The following ADCY9 variants were observed in gnomAD, a reference collection of about 807,000 sequenced individuals.
ADCY9 encodes the protein adenylate cyclase type 9.
In ADCY9, 50 loss-of-function variants were observed where a neutral mutation model predicts 101.5. The observed-to-expected ratio is 0.49, with a 90% CI of 0.39 to 0.62. The LOEUF is 0.62. Among genes scored for constraint, ADCY9 ranks in the 20% least tolerant of loss-of-function variants. ADCY9 has a pLI of 0.00. For synonymous variants in ADCY9, 905 were observed against 769.3 expected (o/e 1.18, Z -2.92); for missense variants, 1,662 against 1,800.4 (o/e 0.92, Z 1.39).
intron 7 of ADCY9, among the ~76,000 whole-genome samples, chr16:3,980,187 G>C (rs1597141163): frequency 6.6e-6 from 1 of 152,252 alleles, no homozygotes; most frequent in African/African-American, 2.4e-5. Context: ...CATTTTAAAA[G>C]ACTTTGTCCT....
At chr16:3,995,877 A>C (rs2056282925) in intron 3 of ADCY9, among the ~76,000 whole-genome samples, 1 of 152,232 alleles carries the variant, frequency 6.6e-6, no homozygotes, top group Non-Finnish European at 1.5e-5. Context: ...CAAAAAATGA[A>C]AATATACATG....
chr16:4,015,169 C>T (rs1328876471), intron 2 of ADCY9, among the ~76,000 whole-genome samples: 1 of 151,810 alleles, frequency 6.6e-6, no homozygotes, highest in East Asian at 1.9e-4. Context: ...TCTCGATCTC[C>T]TGACCTCATG....
At position 4,114,653 on chromosome 16, in the gene ADCY9, G is replaced by A; in HGVS notation, c.790C>T (p.Arg264Trp). 1.2e-6 allele frequency: 2 copies of A among 1,613,386 alleles called. No individual in the cohort carries two copies. Among genetic ancestry groups the A allele is most frequent in the African/African-American group, 1.3e-5 (1 of 75,056 alleles). ...VLFETFGYHFRDEACFPSPGA... is the reference protein window; with the variant it reads ...VLFETFGYHFWDEACFPSPGA... ...GGCGAGGGGAAGCAGGCTTCATCCC[G>A]GAAATGGTAGCCAAAGGTCTCGAAA... Residue 264 changes from arginine to tryptophan, a missense_variant, in exon 2 of 11, where the codon CGG (arginine) becomes TGG (tryptophan). Around this residue, in one of 5 missense-constraint regions of ADCY9, gnomAD observed 422 missense variants for 392.0 expected, o/e 1.08. Coordinates refer to ENST00000294016, the MANE Select transcript of ADCY9 (RefSeq NM_001116.4). The surrounding 1 kb of genome is among the most constrained non-coding windows in gnomAD (Gnocchi z 4.3).
At chr16:4,109,866 C>T (rs1340745977) in intron 2 of ADCY9, among the ~76,000 whole-genome samples, 3 of 152,198 alleles carry the variant, frequency 2.0e-5, no homozygotes, top group African/African-American at 7.2e-5. Context: ...CCTAAGCCCC[C>T]TGTTGAGTGG....
intron 2 of ADCY9, among the ~76,000 whole-genome samples, chr16:4,021,610 C>A (rs1367285833): frequency 6.6e-6 from 1 of 152,222 alleles, no homozygotes; most frequent in Non-Finnish European, 1.5e-5. Flanking sequence ...TTCTGGGCTC[C>A]ACCAGCAGCC....
In ADCY9 at chr16:3,966,932, G is replaced by A. The variant is rs545959256; in HGVS notation, c.2905C>T (p.Arg969Cys). 44 of 1,613,568 alleles carry A rather than the reference G, an allele frequency of 2.7e-5. No homozygotes were observed. The highest frequency in any genetic ancestry group is 3.4e-5 in the Non-Finnish European group (40 of 1,179,988). ...ERNPCNSSVPRDLRRPASLIG... is the reference protein window; with the variant it reads ...ERNPCNSSVPCDLRRPASLIG... Reference sequence around the variant, plus strand: ...AGGCTGGCGGGCCGCCGGAGGTCACGCGGCACCGAACTATTGCACGGGTTC... The same window carrying A: ...AGGCTGGCGGGCCGCCGGAGGTCACACGGCACCGAACTATTGCACGGGTTC... Residue 969 changes from arginine (R) to cysteine (C), a missense_variant, in exon 11 of 11, where the codon CGT becomes TGT. Physicochemically the swap from Arg to Cys is radical, Grantham distance 180 (BLOSUM62 -3). Around this residue, in one of 5 missense-constraint regions of ADCY9, gnomAD observed 624 missense variants for 639.1 expected, o/e 0.98. Coordinates refer to ENST00000294016, the MANE Select transcript of ADCY9 (RefSeq NM_001116.4).
intron 2 of ADCY9, among the ~76,000 whole-genome samples, chr16:4,108,769 A>C (rs1484056847): frequency 6.2e-5 from 9 of 144,216 alleles, no homozygotes; most frequent in African/African-American, 2.1e-4. Flanking sequence ...GCAATGGTGC[A>C]ATCTTGGCTC....
At position 4,022,984 on chromosome 16, in the gene ADCY9, C is replaced by T. The variant is rs552700053; in HGVS notation, c.1694-15426G>A. Among the ~76,000 whole-genome samples, 4 of 152,230 alleles carry T rather than the reference C, an allele frequency of 2.6e-5. No individual in the cohort carries two copies. In the South Asian group the frequency reaches 6.2e-4, roughly 24 times the overall value. On this transcript the variant is annotated intron_variant, in intron 2 of 10. Coordinates refer to ENST00000294016, the MANE Select transcript of ADCY9 (RefSeq NM_001116.4). Reference sequence around the variant, plus strand: ...CAGTACTGTAGTACCTGGGGGAAGGCGCAGCACCGTGGACACTCAGAAACG... The same window carrying T: ...CAGTACTGTAGTACCTGGGGGAAGGTGCAGCACCGTGGACACTCAGAAACG...
chr16:4,020,904 CA>C (rs2056472054), intron 2 of ADCY9, among the ~76,000 whole-genome samples: 1 of 150,558 alleles, frequency 6.6e-6, no homozygotes, highest in Admixed American at 6.6e-5. Context: ...AATAAAGAAA[CA>C]AAAGAGCTGG....
chr16:4,023,557 G>A (rs2056492923), intron 2 of ADCY9, among the ~76,000 whole-genome samples: 1 of 152,180 alleles, frequency 6.6e-6, no homozygotes, highest in Non-Finnish European at 1.5e-5. Context: ...TGCAGACTGA[G>A]GGAAGAAAGT....
chr16:4,066,399 A>G (rs548251768), intron 2 of ADCY9, among the ~76,000 whole-genome samples: 3 of 151,946 alleles, frequency 2.0e-5, no homozygotes, highest in South Asian at 4.2e-4. Context: ...TTACCTATTT[A>G]TTTAGAGATG....
chr16:4,099,308 C>T (rs769416690), intron 2 of ADCY9, among the ~76,000 whole-genome samples: 4 of 152,114 alleles, frequency 2.6e-5, no homozygotes, highest in Non-Finnish European at 4.4e-5. Context: ...TGGGAAGATA[C>T]AGAAAGAAAT....
intron 2 of ADCY9, among the ~76,000 whole-genome samples, chr16:4,051,521 C>T (rs35512625): frequency 7.1e-6 from 1 of 141,568 alleles, no homozygotes; most frequent in Non-Finnish European, 1.5e-5. Flanking sequence ...AAGACTCCAT[C>T]TAAAAAAAAA....
intron 2 of ADCY9, among the ~76,000 whole-genome samples, chr16:4,081,813 G>C (rs1167739078): frequency 4.1e-5 from 6 of 147,592 alleles, no homozygotes; most frequent in Non-Finnish European, 9.0e-5. Flanking sequence ...AGAGCAAGAG[G>C]GGGGCAGCAG....
chr16:4,114,271 T>C lies in ADCY9; in HGVS notation c.1172A>G (p.Glu391Gly). 1 of 1,613,978 alleles carries C rather than the reference T, an allele frequency of 6.2e-7. No individual in the cohort carries two copies. The highest frequency in any genetic ancestry group is 8.5e-7 in the Non-Finnish European group (1 of 1,180,036). ...ATCTGCAAATAAAATACTGACTTCT[T>C]CGATCTGCTGCATCTTAAAAGGGCG... ...AFRPFKMQQIEEVSILFADIV... is the reference protein window; with the variant it reads ...AFRPFKMQQIGEVSILFADIV... Residue 391 changes from glutamate (E) to glycine (G), a missense_variant, in exon 2 of 11, where the codon GAA (glutamate) becomes GGA (glycine). Transcript: ENST00000294016. The surrounding 1 kb of genome is among the most constrained non-coding windows in gnomAD (Gnocchi z 4.3).
At chr16:4,046,038 TG>T (rs1248609086) in intron 2 of ADCY9, among the ~76,000 whole-genome samples, 4 of 151,846 alleles carry the variant, frequency 2.6e-5, no homozygotes, top group Admixed American at 1.3e-4. Flanking sequence ...TTTGTAGAGT[TG>T]GGGGTCTTCC....
At chr16:4,050,155 T>G (rs1472733437) in intron 2 of ADCY9, among the ~76,000 whole-genome samples, 1 of 151,990 alleles carries the variant, frequency 6.6e-6, no homozygotes, top group Non-Finnish European at 1.5e-5. Flanking sequence ...AGAAGACTGG[T>G]GACATACAAG....
intron 2 of ADCY9, among the ~76,000 whole-genome samples, chr16:4,013,290 C>T (rs1371729921): frequency 6.6e-6 from 1 of 151,582 alleles, no homozygotes; most frequent in Non-Finnish European, 1.5e-5. Context: ...CGTGGCGGCA[C>T]ACGCCTGTAA....
intron 7 of ADCY9, 64 bp downstream of exon 7, chr16:3,983,168 G>T: frequency 6.9e-7 from 1 of 1,440,058 alleles, no homozygotes; most frequent in Non-Finnish European, 9.3e-7. Context: ...TCAGCCATAA[G>T]CCATGGAGCC....
Sources: gnomAD v4.1 joint callset for allele counts (sites outside exome capture counted in the v4.1 genomes callset) on GRCh38, gnomAD v4.1.1 for gene constraint, gnomAD v4.1.1 regional missense constraint, Gnocchi (gnomAD v3.1) non-coding constraint, MANE v1.5 for transcripts, NCBI Gene and HGNC (gene_info 2026-07-23, HGNC 2026-07-21) for gene names.